ZNF878: variants seen among roughly 807,000 people sequenced by gnomAD.
ZNF878 encodes the protein zinc finger protein 878.
Under a neutral mutation model 11.1 loss-of-function variants are expected in ZNF878, and 10 were observed. The observed-to-expected ratio is 0.90, with a 90% CI of 0.56 to 1.53. The LOEUF is 1.53. Ranked by LOEUF, ZNF878 falls within the 40% of genes most tolerant of loss-of-function variation. The probability of loss-of-function intolerance (pLI) is 0.00; values close to 1 mark genes in which losing one functional copy is unlikely to be tolerated. For missense variants in ZNF878, 548 were observed against 626.1 expected, an observed-to-expected ratio of 0.88 and a Z score of 1.33; for synonymous variants, 165 against 209.7, an observed-to-expected ratio of 0.79 and a Z score of 1.84.
Position 12,046,406 on chromosome 19 carries a change from G to A in ZNF878, c.153C>T (p.Tyr51=), listed in dbSNP as rs761562590. 27 of 1,577,582 alleles carry A rather than the reference G, an allele frequency of 1.7e-5. No individual in the cohort carries two copies. The highest frequency in any genetic ancestry group is 1.7e-4 in the Middle Eastern group (1 of 5,986). ...TSIGKKWNNQ[Y]IEDEHQNPRR... ...TAGGATTTTGGTGCTCATCTTCAAT[G>A]TACTGGTTGTTCCATTTTTTTCCTA... The change falls in exon 3 of 4, where the codon TAC becomes TAT. Residue 51 remains tyrosine, a synonymous_variant. Transcript: ENST00000547628.
intron 3 of ZNF878, among the ~76,000 whole-genome samples, chr19:12,045,572 G>A (rs897788640): frequency 2.0e-5 from 3 of 150,682 alleles, no homozygotes; most frequent in East Asian, 2.0e-4. Flanking sequence ...GTGTGAACCC[G>A]GGAGGCAGAG....
chr19:12,049,849 C>A (rs1975533868), intron 1 of ZNF878, among the ~76,000 whole-genome samples: 3 of 151,924 alleles, frequency 2.0e-5, no homozygotes, highest in Admixed American at 2.0e-4. Flanking sequence ...CAAAGAAACA[C>A]ACCAGAACTG....
At position 12,044,691 on chromosome 19, in the gene ZNF878, A is replaced by G; in HGVS notation, c.710T>C (p.Phe237Ser). 1 of 1,613,948 alleles carries G rather than the reference A, an allele frequency of 6.2e-7. No homozygotes were observed. Among genetic ancestry groups the G allele is most frequent in the African/African-American group, 1.3e-5 (1 of 74,986 alleles). Residue 237 changes from phenylalanine to serine, a missense_variant, in exon 4 of 4, where the codon TTT (phenylalanine) becomes TCT (serine). Phe to Ser is a radical substitution (Grantham distance 155, BLOSUM62 -2). Around this residue, in one of 3 missense-constraint regions of ZNF878, gnomAD observed 335 missense variants for 358.2 expected, o/e 0.94. Coordinates refer to ENST00000547628, the MANE Select transcript of ZNF878 (RefSeq NM_001080404.3). The part of the protein sequence containing the change: ...HKCNICGKAF[F>S]SPSSLKRHEK... ...GTGTCTTTTTAACGAACTGGGAGAAAAAAAGGCTTTCCCACATATGTTACA... is the reference window on the plus strand; with the variant it reads ...GTGTCTTTTTAACGAACTGGGAGAAGAAAAGGCTTTCCCACATATGTTACA...
At chr19:12,045,885 A>G (rs1338926033) in intron 3 of ZNF878, among the ~76,000 whole-genome samples, 4 of 150,678 alleles carry the variant, frequency 2.7e-5, no homozygotes, top group Non-Finnish European at 4.4e-5. Flanking sequence ...ACGCCCAGCT[A>G]ATTTCTCGTA....
In ZNF878 at chr19:12,046,363, G is replaced by A; in HGVS notation, c.191+5C>T. The A allele has an allele frequency of 6.4e-7, 1 of 1,559,778 alleles. No individual in the cohort carries two copies. Among genetic ancestry groups the A allele is most frequent in the Non-Finnish European group, 8.7e-7 (1 of 1,150,364 alleles). On this transcript the variant is annotated splice_donor_5th_base_variant and intron_variant, in intron 3 of 3. Transcript: ENST00000547628. Reference sequence around the variant, plus strand: ...ACATTGTTTTCTCTTTTAAGTGCCAGTTACCTTAGGTTTCTCCTAGGATTT... The same window carrying A: ...ACATTGTTTTCTCTTTTAAGTGCCAATTACCTTAGGTTTCTCCTAGGATTT...
At chr19:12,048,707 G>A (rs542973172) in intron 1 of ZNF878, among the ~76,000 whole-genome samples, 3 of 150,306 alleles carry the variant, frequency 2.0e-5, no homozygotes, top group African/African-American at 2.4e-5. Context: ...GGTGGCAGGC[G>A]CTTGTAATCC....
In ZNF878 at chr19:12,045,199, CT is replaced by C; in HGVS notation, c.201del (p.Ile67MetfsTer18). 6.3e-7 allele frequency: 1 copy of C among 1,599,998 alleles called. No homozygotes were observed. On this transcript the variant is annotated frameshift_variant, in exon 4 of 4. Coordinates refer to ENST00000547628, the MANE Select transcript of ZNF878 (RefSeq NM_001080404.3). LOFTEE classifies it low-confidence loss of function (END_TRUNC). ...TCTTTACTTTCAGAGAGTCTCTCCC[CT>C]ATAAGTCTTCTGTGAACAATGAAAG... Reference protein sequence around the residue: ...QNPRRNLRRLIGERLSESKES... With the variant: ...QNPRRNLRRLXGERLSESKES...
rs779053701 is a variant in ZNF878, at chr19:12,044,647, C to A, written c.754G>T (p.Glu252Ter). The A allele has an allele frequency of 6.8e-6, 11 of 1,613,956 alleles. No individual in the cohort carries two copies. In the Admixed American group the frequency reaches 8.3e-5, roughly 12 times the overall value. ...CATTGCTTGCATTTATAGCGTTTCT[C>A]TCCAGTGTGACTTTTCTCGTGTCTT... ...LKRHEKSHTG[E>*]KRYKCKQCDK... Residue 252 changes from glutamate to a stop codon, truncating the protein, a stop_gained, in exon 4 of 4, where the codon GAG becomes TAG. Coordinates refer to ENST00000547628, the MANE Select transcript of ZNF878 (RefSeq NM_001080404.3). LOFTEE classifies it low-confidence loss of function (END_TRUNC).
rs752613567 is a variant in ZNF878, at chr19:12,044,979, T to A, written c.422A>T (p.Lys141Met). The A allele has an allele frequency of 1.9e-6, 3 of 1,614,134 alleles. No homozygotes were observed. The highest frequency in any genetic ancestry group is 2.5e-6 in the Non-Finnish European group (3 of 1,180,020). The change falls in exon 4 of 4, where the codon AAG becomes ATG. Residue 141 changes from lysine to methionine, a missense_variant. Lys to Met is a moderately conservative substitution (Grantham distance 95). Around this residue, in one of 3 missense-constraint regions of ZNF878, gnomAD observed 160 missense variants for 173.3 expected, o/e 0.92. Coordinates refer to ENST00000547628, the MANE Select transcript of ZNF878 (RefSeq NM_001080404.3). ...CCCACATTCCTTACATTCATAAGGC[T>A]TTTCCCCAGTGTGAGTTCTTCCATG... ...AIHGRTHTGE[K>M]PYECKECGKA... is the part of the protein sequence containing the mutation.
At chr19:12,049,510 A>C (rs1414829300) in intron 1 of ZNF878, among the ~76,000 whole-genome samples, 10 of 146,396 alleles carry the variant, frequency 6.8e-5, no homozygotes, top group Non-Finnish European at 1.5e-4. Context: ...AGTGGCTCAC[A>C]CCTGTAATCC....
rs753463475 is a variant in ZNF878 at position 12,052,784 on chromosome 19, G to A, written c.3+15C>T. On this transcript the variant is annotated intron_variant, in intron 1 of 3. Transcript: ENST00000547628. ...CCTCCTTTCGCCTTGGGACTCCCCA[G>A]CACCGCATGCTCACCATTTCCTGGC... is the stretch of plus-strand genomic sequence containing the variant. 2.4e-5 allele frequency: 37 copies of A among 1,535,524 alleles called. No individual in the cohort carries two copies. In the South Asian group the frequency reaches 4.3e-4, roughly 18 times the overall value.
chr19:12,043,720 T>A (rs116693943), downstream of ZNF878: 751 of 1,309,618 alleles, frequency 5.7e-4, 8 homozygotes, highest in African/African-American at 0.01. Context: ...AGATTACAGG[T>A]GTCTCTGCAG....
chr19:12,050,008 T>C lies in ZNF878; in HGVS notation c.3+2791A>G, dbSNP rs534716876. ...GGGAGGCCAAAGCAGGCAGATCACC[T>C]GAGATCAGGAGTTTGAGACCAGCCT... On this transcript the variant is annotated intron_variant, in intron 1 of 3. Coordinates refer to ENST00000547628, the MANE Select transcript of ZNF878 (RefSeq NM_001080404.3). Among the ~76,000 whole-genome samples the C allele has an allele frequency of 1.2e-4, 18 of 152,186 alleles. No homozygotes were observed. In the South Asian group the frequency reaches 3.5e-3, roughly 30 times the overall value.
rs749532414 is a variant in ZNF878, at chr19:12,044,432, G to C, written c.969C>G (p.Ser323=). The part of the protein sequence containing the change: ...CKLCGKGFIS[S]TSFRYHEKTH... ...TCTTTTCATGATAGCGAAAGGAAGT[G>C]GAAGAAATAAATCCCTTACCACATA... The change falls in exon 4 of 4, where the codon TCC becomes TCG. Residue 323 remains serine (S), a synonymous_variant. Transcript: ENST00000547628. The C allele has an allele frequency of 1.2e-6, 2 of 1,613,516 alleles. No homozygotes were observed. Among genetic ancestry groups the C allele is most frequent in the South Asian group, 2.2e-5 (2 of 91,042 alleles).
At chr19:12,048,195 C>A (rs1975513269) in intron 1 of ZNF878, among the ~76,000 whole-genome samples, 1 of 152,118 alleles carries the variant, frequency 6.6e-6, no homozygotes, top group Non-Finnish European at 1.5e-5. Context: ...CTCCAAACAG[C>A]CAAAATTCTA....
chr19:12,049,459 T>C (rs530463569), intron 1 of ZNF878, among the ~76,000 whole-genome samples: 2 of 182 alleles, frequency 0.011, no homozygotes, highest in African/African-American at 0.019. Context: ...AGACTCCCTC[T>C]CAAAAAAAAA....
chr19:12,044,735 AGT>A lies in ZNF878; in HGVS notation c.664_665del (p.Thr222TrpfsTer6). On this transcript the variant is annotated frameshift_variant, in exon 4 of 4. Transcript: ENST00000547628. LOFTEE classifies it low-confidence loss of function (END_TRUNC). ...TGTTACATTTATGAGGTCTCTCTCCAGTGTGCATTCTCATGTGTGTCTGAAAG... is the reference window on the plus strand; with the variant it reads ...TGTTACATTTATGAGGTCTCTCTCCAGTGCATTCTCATGTGTGTCTGAAAG... ...VSFQTHMRMH[T>X]GERPHKCNIC... 1 of 1,614,226 alleles carries A rather than the reference AGT, an allele frequency of 6.2e-7. No homozygotes were observed. Among genetic ancestry groups the A allele is most frequent in the Non-Finnish European group, 8.5e-7 (1 of 1,180,046 alleles).
At chr19:12,043,615 T>C (rs1975416033), downstream of ZNF878, among the ~76,000 whole-genome samples, 1 of 152,150 alleles carries the variant, frequency 6.6e-6, no homozygotes, top group Non-Finnish European at 1.5e-5. Context: ...TTTTATTTTA[T>C]TATGTAATAG....
chr19:12,051,410 A>G (rs539286650), intron 1 of ZNF878, among the ~76,000 whole-genome samples: 1 of 152,178 alleles, frequency 6.6e-6, no homozygotes, highest in Non-Finnish European at 1.5e-5. Context: ...TTGTTGCGAT[A>G]ATTAAATTTC....
Sources: allele counts gnomAD v4.1 joint callset (sites outside exome capture counted in the v4.1 genomes callset), GRCh38; gene constraint gnomAD v4.1.1; regional missense constraint gnomAD v4.1.1; transcripts MANE v1.5; gene names NCBI Gene and HGNC (gene_info 2026-07-23, HGNC 2026-07-21).